ARMC9: variants seen among roughly 807,000 people sequenced by gnomAD.
The protein encoded by ARMC9 is lisH domain-containing protein ARMC9.
A neutral mutation model predicts 107.0 loss-of-function variants in ARMC9; 94 were observed. That is an observed-to-expected ratio of 0.88 (90% CI 0.74 to 1.04). The LOEUF is 1.04. Among genes scored for constraint, ARMC9 ranks in the 50% least tolerant of loss-of-function variants. The pLI is 0.00. For synonymous variants in ARMC9, 380 were observed against 396.9 expected, an observed-to-expected ratio of 0.96 and a Z score of 0.51; for missense variants, 942 against 1,030.1, an observed-to-expected ratio of 0.91 and a Z score of 1.17.
intron 19 of ARMC9, among the ~76,000 whole-genome samples, chr2:231,313,433 TG>T (rs2042468297): frequency 6.6e-6 from 1 of 152,264 alleles, no homozygotes; most frequent in Non-Finnish European, 1.5e-5. Flanking sequence ...TGCCTTTGAT[TG>T]GAGTATTTAT....
In ARMC9 at chr2:231,276,500, C is replaced by A. The variant is rs1448198305; in HGVS notation, c.1335-136C>A. Reference sequence around the variant, plus strand: ...GGCCAGGCTTGTCTCCAACTCCTGACCTCAGGTGATCCGTCCGCCTTGGCC... The same window carrying A: ...GGCCAGGCTTGTCTCCAACTCCTGAACTCAGGTGATCCGTCCGCCTTGGCC... On this transcript the variant is annotated intron_variant, in intron 14 of 24. Transcript: ENST00000611582. The A allele has an allele frequency of 5.1e-6, 6 of 1,173,728 alleles. No individual in the cohort carries two copies. In the Admixed American group the frequency reaches 1.3e-4, roughly 26 times the overall value. The allele number at this position is 1,173,728 out of a possible 1,614,324, so 72.7% of individuals were successfully genotyped here.
In ARMC9 at chr2:231,291,323, G is replaced by A. The variant is rs1455203973; in HGVS notation, c.1627-30G>A. The A allele has an allele frequency of 1.5e-5, 24 of 1,574,886 alleles. No individual in the cohort carries two copies. The Admixed American group carries it at 4.0e-4, about 26-fold the overall frequency. Reference sequence around the variant, plus strand: ...GTAGTTTCCCTCCAGACACTGAAATGTTAACTATTACTTTCGCCAATACTT... The same window carrying A: ...GTAGTTTCCCTCCAGACACTGAAATATTAACTATTACTTTCGCCAATACTT... On this transcript the variant is annotated intron_variant, in intron 17 of 24. Transcript: ENST00000611582.
chr2:231,240,302 G>T, intron 9 of ARMC9: 1 of 508,894 alleles, frequency 2.0e-6, no homozygotes, highest in South Asian at 2.5e-5. Context: ...CCAGGGTTGG[G>T]GATCAGTAGG....
At chr2:231,216,165 TG>T (rs920363157) in intron 4 of ARMC9, among the ~76,000 whole-genome samples, 4 of 152,132 alleles carry the variant, frequency 2.6e-5, no homozygotes, top group African/African-American at 9.7e-5. Flanking sequence ...AGGAGTGACT[TG>T]GAAGCTTTTG....
At chr2:231,218,825 C>G (rs1574633807) in intron 5 of ARMC9, among the ~76,000 whole-genome samples, 1 of 151,588 alleles carries the variant, frequency 6.6e-6, no homozygotes, top group East Asian at 1.9e-4. Flanking sequence ...AATCTTGGCT[C>G]ACTGCAACCT....
intron 19 of ARMC9, 68 bp downstream of exon 19, chr2:231,296,321 C>A: frequency 7.7e-7 from 1 of 1,304,832 alleles, no homozygotes; most frequent in Non-Finnish European, 1.1e-6. Context: ...CCTGCCTTGA[C>A]AAGTTAGTCC....
At chr2:231,364,665 G>T (rs2045737277) in intron 23 of ARMC9, among the ~76,000 whole-genome samples, 1 of 152,108 alleles carries the variant, frequency 6.6e-6, no homozygotes. Context: ...GGGCATGGTG[G>T]TGCATGCCTG....
intron 19 of ARMC9, among the ~76,000 whole-genome samples, chr2:231,300,312 G>A (rs759067493): frequency 1.3e-5 from 2 of 152,198 alleles, no homozygotes; most frequent in Non-Finnish European, 2.9e-5. Flanking sequence ...AGATCTAAGA[G>A]TTGCTCATAT....
chr2:231,328,837 C>G (rs1477628550), intron 19 of ARMC9, among the ~76,000 whole-genome samples: 1 of 73,670 alleles, frequency 1.4e-5, no homozygotes, highest in African/African-American at 4.8e-5. Flanking sequence ...TTTTTTGAGT[C>G]GGAGTCTTGC....
At chr2:231,226,602 A>G (rs1358490199) in intron 6 of ARMC9, among the ~76,000 whole-genome samples, 172 bp from the exon 7 acceptor site, 1 of 152,174 alleles carries the variant, frequency 6.6e-6, no homozygotes, top group Non-Finnish European at 1.5e-5. Flanking sequence ...GGGTCAGGCC[A>G]GTATGGAGAA....
At chr2:231,349,414 T>G (rs2044947407) in intron 21 of ARMC9, among the ~76,000 whole-genome samples, 1 of 151,850 alleles carries the variant, frequency 6.6e-6, no homozygotes. Flanking sequence ...GGATGGTTAC[T>G]AGAGACCGGG....
rs535962094 is a variant in ARMC9, at chr2:231,366,767, T to A, written c.2262-3186T>A. Among the ~76,000 whole-genome samples, 28 of 150,652 alleles carry A rather than the reference T, an allele frequency of 1.9e-4. No individual in the cohort carries two copies. The South Asian group carries it at 5.9e-3, about 32-fold the overall frequency. On this transcript the variant is annotated intron_variant, in intron 23 of 24. Transcript: ENST00000611582. ...GAGGCAGGAGAATTGCTTGAACCCATGAGGCGGAGGTTGCAGTGACCCAAG... is the reference window on the plus strand; with the variant it reads ...GAGGCAGGAGAATTGCTTGAACCCAAGAGGCGGAGGTTGCAGTGACCCAAG...
rs1306706802 is a variant in ARMC9, at chr2:231,316,158, GTA to G, written c.1774-15633_1774-15632del. Among the ~76,000 whole-genome samples, 55 of 110,602 alleles carry G rather than the reference GTA, an allele frequency of 5.0e-4. 1 individual carries two copies. The highest frequency in any genetic ancestry group is 2.4e-3 in the African/African-American group (48 of 20,052). 72.6% of individuals were successfully genotyped at this position (110,602 alleles called of 152,430 possible). A position where few individuals can be genotyped will look rare whatever the true frequency, so the allele number is the denominator to read the frequency against. On this transcript the variant is annotated intron_variant, in intron 19 of 24. Coordinates refer to ENST00000611582, the MANE Select transcript of ARMC9 (RefSeq NM_001352754.2). ...ATTTAAAGAAGGAACATGTGTGTAT[GTA>G]TGTGTGTGTGTGTGTGTGTGTGTGT...
At chr2:231,306,594 T>C (rs1048597494) in intron 19 of ARMC9, among the ~76,000 whole-genome samples, 3 of 151,974 alleles carry the variant, frequency 2.0e-5, no homozygotes, top group African/African-American at 7.3e-5. Context: ...CAAAGTGCAA[T>C]CAGAACTAGC....
intron 7 of ARMC9, among the ~76,000 whole-genome samples, chr2:231,234,507 A>G (rs1173166233): frequency 2.0e-5 from 3 of 152,254 alleles, no homozygotes; most frequent in African/African-American, 7.2e-5. Flanking sequence ...TCCTGCAGAT[A>G]TGAATTGTCC....
chr2:231,345,914 T>C (rs955650829), intron 21 of ARMC9, among the ~76,000 whole-genome samples: 8 of 152,212 alleles, frequency 5.3e-5, no homozygotes, highest in African/African-American at 1.7e-4. Flanking sequence ...GGCAACGGAA[T>C]TGAGCAACAA....
Position 231,370,090 on chromosome 2 carries a change from C to G in ARMC9, c.2399C>G (p.Pro800Arg). 6.5e-7 allele frequency: 1 copy of G among 1,534,542 alleles called. No homozygotes were observed. Among genetic ancestry groups the G allele is most frequent in the Non-Finnish European group, 8.7e-7 (1 of 1,145,906 alleles). ...TGTGGCCCCCAGCAGGCCAGCCGCCCCGGCTCCACAGCGTCCTCCACAAGG... is the reference window on the plus strand; with the variant it reads ...TGTGGCCCCCAGCAGGCCAGCCGCCGCGGCTCCACAGCGTCCTCCACAAGG... The part of the protein sequence containing the change: ...SSCGPQQASR[P>R]GSTASSTRGL... Residue 800 changes from proline to arginine, a missense_variant, in exon 24 of 25, where the codon CCC (proline) becomes CGC (arginine). By Grantham distance (103) the Pro-to-Arg change is moderately radical. Transcript: ENST00000611582.
chr2:231,210,703 TCAG>T (rs760745653), intron 3 of ARMC9, among the ~76,000 whole-genome samples: 3 of 152,228 alleles, frequency 2.0e-5, no homozygotes, highest in Non-Finnish European at 2.9e-5. Context: ...CCATCGCATT[TCAG>T]CTCCAGCTGC....
chr2:231,202,665 C>G (rs553887190), intron 1 of ARMC9, among the ~76,000 whole-genome samples: 9 of 152,176 alleles, frequency 5.9e-5, no homozygotes, highest in Middle Eastern at 3.4e-3. Flanking sequence ...GCTCAGCACC[C>G]ATATTCTCTG....
Sources: gnomAD v4.1 joint callset for allele counts (sites outside exome capture counted in the v4.1 genomes callset) on GRCh38, gnomAD v4.1.1 for gene constraint, MANE v1.5 for transcripts, NCBI Gene and HGNC (gene_info 2026-07-23, HGNC 2026-07-21) for gene names.